ZBTB1: variants seen among roughly 807,000 people sequenced by gnomAD.
ZBTB1 encodes zinc finger and BTB domain containing 1, also known as zinc finger and BTB domain-containing protein 1.
ZBTB1 carries 13 observed loss-of-function variants against 51.6 expected under a neutral mutation model. The ratio of observed to expected loss-of-function variants is 0.25; its 90% confidence interval spans 0.16 to 0.40. The LOEUF (loss-of-function observed/expected upper bound fraction) is 0.40, where lower values mean the gene tolerates loss of function less well. Ranked by LOEUF, ZBTB1 falls within the 10% of genes least tolerant of loss-of-function variation. The pLI is 1.00. For synonymous variants in ZBTB1, 240 were observed against 282.2 expected, an observed-to-expected ratio of 0.85 and a Z score of 1.50; for missense variants, 567 against 856.5, an observed-to-expected ratio of 0.66 and a Z score of 4.22.
rs776152556 is a variant in ZBTB1, at chr14:64,523,636, A to G, written c.2132A>G (p.Lys711Arg). The stretch of plus-strand genomic sequence containing the variant: ...TCACATTATAATGCCAAGCATTTGA[A>G]AAGAACCTGAGTGATTTTCTACTGT... ...MRSHYNAKHL[K>R]RT Residue 711 changes from lysine (K) to arginine (R), a missense_variant, in exon 2 of 2, where the codon AAA (lysine) becomes AGA (arginine). Coordinates refer to ENST00000683701, the MANE Select transcript of ZBTB1 (RefSeq NM_001123329.2). The surrounding 1 kb of genome is among the most constrained non-coding windows in gnomAD (Gnocchi z 4.5). The G allele has an allele frequency of 1.9e-5, 30 of 1,547,838 alleles. No individual in the cohort carries two copies. Among genetic ancestry groups the G allele is most frequent in the Non-Finnish European group, 2.6e-5 (30 of 1,145,290 alleles).
downstream of ZBTB1, among the ~76,000 whole-genome samples, chr14:64,526,673 T>A (rs1413155270): frequency 6.6e-6 from 1 of 151,952 alleles, no homozygotes; most frequent in Non-Finnish European, 1.5e-5. Context: ...TCTCAGAAAT[T>A]AATAGAGCAC....
At chr14:64,532,939 CTGTT>C (rs1358912258) in exon 3 of ZBTB1, 5 of 151,866 alleles carry the variant, frequency 3.3e-5, no homozygotes, top group African/African-American at 1.2e-4. Context: ...TTACTTCTTT[CTGTT>C]TATGTACCCA....
chr14:64,524,492 A>G lies in ZBTB1; in HGVS notation c.*846A>G, dbSNP rs1240847159. ...TCTAAAGTGTGTTAGCTTATCAATT[A>G]TTTTTGTTTATAAATAGACTTTAAT... On this transcript the variant is annotated 3_prime_UTR_variant, in exon 2 of 2. Transcript: ENST00000683701. 2.2e-6 allele frequency: 2 copies of G among 915,362 alleles called. No homozygotes were observed. Among genetic ancestry groups the G allele is most frequent in the African/African-American group, 3.6e-5 (2 of 55,712 alleles). The allele number at this position is 915,362 out of a possible 1,614,324, so 56.7% of individuals were successfully genotyped here.
chr14:64,527,340 G>C (rs1315402757), downstream of ZBTB1, among the ~76,000 whole-genome samples: 1 of 152,018 alleles, frequency 6.6e-6, no homozygotes, highest in African/African-American at 2.4e-5. Flanking sequence ...GCCAGGCGCA[G>C]TGGCTCAAGC....
chr14:64,530,560 T>G (rs1385422914), intron 2 of ZBTB1, among the ~76,000 whole-genome samples: 1 of 151,698 alleles, frequency 6.6e-6, no homozygotes, highest in Admixed American at 6.6e-5. Context: ...TGAGCTGATA[T>G]CGTGCCACTG....
At chr14:64,506,544 AC>A (rs1363657295) in intron 1 of ZBTB1, among the ~76,000 whole-genome samples, 1 of 150,506 alleles carries the variant, frequency 6.6e-6, no homozygotes, top group Non-Finnish European at 1.5e-5. Flanking sequence ...AAAAAAACAA[AC>A]AACAACAACA....
At position 64,524,296 on chromosome 14, in the gene ZBTB1, T is replaced by G. The variant is rs1460072639; in HGVS notation, c.*650T>G. On this transcript the variant is annotated 3_prime_UTR_variant, in exon 2 of 2. Transcript: ENST00000683701. ...TAATTGATAAAATATTATCATTTAA[T>G]TATCACATTTAAAACTTATATTAAG... 9 of 948,980 alleles carry G rather than the reference T, an allele frequency of 9.5e-6. No individual in the cohort carries two copies. The highest frequency in any genetic ancestry group is 1.0e-5 in the Non-Finnish European group (8 of 796,940). 58.8% of individuals were successfully genotyped at this position (948,980 alleles called of 1,614,324 possible).
intron 1 of ZBTB1, among the ~76,000 whole-genome samples, chr14:64,506,169 A>T (rs997865729): frequency 9.2e-5 from 14 of 152,204 alleles, no homozygotes; most frequent in Non-Finnish European, 1.9e-4. Flanking sequence ...CACTTGCTGG[A>T]TATCTAATAA....
chr14:64,505,628 C>T (rs1205298419), intron 1 of ZBTB1, among the ~76,000 whole-genome samples: 1 of 152,166 alleles, frequency 6.6e-6, no homozygotes, highest in Admixed American at 6.5e-5. Context: ...AGTATGTAGG[C>T]AGGGTCTGAG....
intron 1 of ZBTB1, among the ~76,000 whole-genome samples, chr14:64,507,068 C>T (rs1435827986): frequency 6.6e-6 from 1 of 152,180 alleles, no homozygotes. Context: ...TGCTTTCAGA[C>T]TTGCCCTCTA....
rs180966971 is a variant in ZBTB1, at chr14:64,507,413, C to T, written c.-19+2467C>T. Among the ~76,000 whole-genome samples, 200 of 152,236 alleles carry T rather than the reference C, an allele frequency of 1.3e-3. 1 individual carries two copies. Among genetic ancestry groups the T allele is most frequent in the African/African-American group, 4.6e-3 (190 of 41,534 alleles). Reference sequence around the variant, plus strand: ...TAAAATCCATGCTCTTTGAAAAATTCAGCCTGTATTGAAGTACATAAAATA... The same window carrying T: ...TAAAATCCATGCTCTTTGAAAAATTTAGCCTGTATTGAAGTACATAAAATA... On this transcript the variant is annotated intron_variant, in intron 1 of 1. Transcript: ENST00000683701.
intron 1 of ZBTB1, among the ~76,000 whole-genome samples, chr14:64,519,777 C>CA (rs532158633): frequency 0.037 from 4,388 of 119,374 alleles, 70 homozygotes; most frequent in African/African-American, 0.043. Flanking sequence ...GACCCTGCCT[C>CA]AAAAAAAAAA....
At position 64,523,541 on chromosome 14, in the gene ZBTB1, G is replaced by A. The variant is rs1401677984; in HGVS notation, c.2037G>A (p.Gln679=). 19 of 1,575,246 alleles carry A rather than the reference G, an allele frequency of 1.2e-5. No homozygotes were observed. The highest frequency in any genetic ancestry group is 1.9e-5 in the Admixed American group (1 of 53,648). ...TCCCAAATAATGAACAGTTGGAGCA[G>A]CACATGGATGTTCATCTGTATACAT... ...QIFPNNEQLE[Q]HMDVHLYTCG... The change falls in exon 2 of 2, where the codon CAG becomes CAA. Residue 679 remains glutamine, a synonymous_variant. Coordinates refer to ENST00000683701, the MANE Select transcript of ZBTB1 (RefSeq NM_001123329.2). This position sits in a 1 kb window ranked among gnomAD's most constrained non-coding sequence, Gnocchi z 4.5.
In ZBTB1 at chr14:64,521,773, C is replaced by T; in HGVS notation, c.269C>T (p.Ala90Val). The change falls in exon 2 of 2, where the codon GCT (alanine) becomes GTT (valine). Residue 90 changes from alanine (A) to valine (V), a missense_variant. Physicochemically the swap from Ala to Val is moderately conservative, Grantham distance 64. Transcript: ENST00000683701. ...QFMYLGKIMT[A>V]PSSFEQFKVA... ...ATGTATTTAGGAAAAATTATGACAGCTCCCTCCAGTTTTGAGCAGTTTAAA... is the reference window on the plus strand; with the variant it reads ...ATGTATTTAGGAAAAATTATGACAGTTCCCTCCAGTTTTGAGCAGTTTAAA... 1 of 1,612,190 alleles carries T rather than the reference C, an allele frequency of 6.2e-7. No individual in the cohort carries two copies. The highest frequency in any genetic ancestry group is 8.5e-7 in the Non-Finnish European group (1 of 1,180,030).
At position 64,523,409 on chromosome 14, in the gene ZBTB1, C is replaced by G; in HGVS notation, c.1905C>G (p.Val635=). ...NDMHKGMARY[V]CSICDQGNFR... ...TGCACAAAGGCATGGCCAGGTATGT[C>G]TGTTCCATTTGTGATCAAGGAAACT... Residue 635 remains valine (V), a synonymous_variant, in exon 2 of 2, where the codon GTC becomes GTG. Transcript: ENST00000683701. This position sits in a 1 kb window ranked among gnomAD's most constrained non-coding sequence, Gnocchi z 4.5. 6.2e-7 allele frequency: 1 copy of G among 1,614,188 alleles called. No homozygotes were observed. Among genetic ancestry groups the G allele is most frequent in the Non-Finnish European group, 8.5e-7 (1 of 1,180,016 alleles).
intron 1 of ZBTB1, among the ~76,000 whole-genome samples, chr14:64,517,781 A>ATATATATTT (rs1160337478): frequency 1.2e-4 from 5 of 41,564 alleles, no homozygotes; most frequent in African/African-American, 2.7e-4. Context: ...ATATATATAT[A>ATATATATTT]TTTTTTTTTT....
intron 2 of ZBTB1, chr14:64,531,794 T>C (rs2079943693): frequency 1.3e-6 from 2 of 1,592,466 alleles, no homozygotes; most frequent in Non-Finnish European, 1.7e-6. Context: ...AGAATTATGT[T>C]GTATCTTGTA....
intron 1 of ZBTB1, among the ~76,000 whole-genome samples, chr14:64,506,383 A>AT (rs1248418546): frequency 6.6e-6 from 1 of 152,178 alleles, no homozygotes; most frequent in African/African-American, 2.4e-5. Flanking sequence ...AAGTACAAAA[A>AT]TTAGCCTGGC....
At chr14:64,505,332 C>G (rs947371079) in intron 1 of ZBTB1, 2 of 157,238 alleles carry the variant, frequency 1.3e-5, no homozygotes, top group Non-Finnish European at 1.4e-5. Flanking sequence ...AGCTGCGGCT[C>G]GGCGGCGGGT....
Sources: gnomAD v4.1 joint callset for allele counts (sites outside exome capture counted in the v4.1 genomes callset) on GRCh38, gnomAD v4.1.1 for gene constraint, Gnocchi (gnomAD v3.1) non-coding constraint, MANE v1.5 for transcripts, NCBI Gene and HGNC (gene_info 2026-07-23, HGNC 2026-07-21) for gene names.